USP24: variants seen among roughly 807,000 people sequenced by gnomAD.
USP24 encodes ubiquitin carboxyl-terminal hydrolase 24.
In USP24, 97 loss-of-function variants were observed where a neutral mutation model predicts 361.6. The observed-to-expected ratio is 0.27, with a 90% CI of 0.23 to 0.32. USP24 has a LOEUF of 0.32. Ranked by LOEUF, USP24 falls within the 10% of genes least tolerant of loss-of-function variation. The probability of loss-of-function intolerance (pLI) is 1.00; values close to 1 mark genes in which losing one functional copy is unlikely to be tolerated. For missense variants in USP24, 2,353 were observed against 3,165.6 expected (o/e 0.74, Z 6.16); for synonymous variants, 1,098 against 1,124.6 (o/e 0.98, Z 0.47).
At position 55,138,677 on chromosome 1, in the gene USP24, G is replaced by A; in HGVS notation, c.2859C>T (p.Ala953=). ...GGGTTAAAAGATGTCCATGAAATGA[G>A]GCACCATGAGGTAGAATAGTTCGTG... is the stretch of plus-strand genomic sequence containing the variant. The part of the protein sequence containing the change: ...SVPRTILPHG[A]SFHGHLLTLN... The change falls in exon 26 of 68, where the codon GCC becomes GCT. Residue 953 remains alanine, a synonymous_variant. Coordinates refer to ENST00000294383, the MANE Select transcript of USP24 (RefSeq NM_015306.3). 6.2e-7 allele frequency: 1 copy of A among 1,613,008 alleles called. No homozygotes were observed. Among genetic ancestry groups the A allele is most frequent in the South Asian group, 1.1e-5 (1 of 90,944 alleles).
chr1:55,115,107 G>A (rs191074739), intron 38 of USP24, among the ~76,000 whole-genome samples: 1 of 152,156 alleles, frequency 6.6e-6, no homozygotes, highest in Non-Finnish European at 1.5e-5. Flanking sequence ...CTCAAAAGAA[G>A]ACATTTATGT....
At chr1:55,125,784 G>C (rs1438049686) in intron 32 of USP24, 26 bp from the exon 33 acceptor site, 1 of 1,521,884 alleles carries the variant, frequency 6.6e-7, no homozygotes, top group East Asian at 2.4e-5. Flanking sequence ...AAAAAGGCAG[G>C]ATATTAAAGA....
intron 31 of USP24, 40 bp from the exon 32 acceptor site, chr1:55,129,614 T>C (rs1646534207): frequency 3.3e-6 from 5 of 1,535,174 alleles, no homozygotes; most frequent in Non-Finnish European, 4.5e-6. Context: ...CCACACATTT[T>C]CAGCAGAAAT....
intron 37 of USP24, 114 bp from the exon 38 acceptor site, chr1:55,120,870 A>G: frequency 7.7e-7 from 1 of 1,297,112 alleles, no homozygotes. Flanking sequence ...TTATTGAAGG[A>G]TACTAGAAAG....
chr1:55,127,859 T>G (rs1232110487), intron 32 of USP24, among the ~76,000 whole-genome samples: 1 of 152,132 alleles, frequency 6.6e-6, no homozygotes, highest in East Asian at 1.9e-4. Context: ...CACCCCTTTT[T>G]TCTTACTCAT....
At chr1:55,190,475 C>T (rs1644257425) in intron 1 of USP24, among the ~76,000 whole-genome samples, 1 of 152,166 alleles carries the variant, frequency 6.6e-6, no homozygotes, top group Non-Finnish European at 1.5e-5. Context: ...CAAGAGAACA[C>T]ATACAAAGCA....
intron 45 of USP24, among the ~76,000 whole-genome samples, chr1:55,099,209 G>A (rs1645569088): frequency 6.6e-6 from 1 of 152,178 alleles, no homozygotes; most frequent in Non-Finnish European, 1.5e-5. Flanking sequence ...TTATTACTAT[G>A]TAGTAGAGAT....
intron 16 of USP24, among the ~76,000 whole-genome samples, chr1:55,149,761 T>C (rs543526740): frequency 2.0e-5 from 3 of 152,342 alleles, no homozygotes; most frequent in East Asian, 3.9e-4. Context: ...CAAAAGGTAT[T>C]TGTTCTTCTA....
chr1:55,186,080 CCCAGGA>C (rs1220980220), intron 1 of USP24, among the ~76,000 whole-genome samples: 1 of 152,142 alleles, frequency 6.6e-6, no homozygotes, highest in African/African-American at 2.4e-5. Context: ...CAAAGGAAAG[CCCAGGA>C]CCAGATGGCA....
At chr1:55,141,799 A>G (rs1183566478) in intron 23 of USP24, 68 bp from the exon 24 acceptor site, 14 of 1,439,696 alleles carry the variant, frequency 9.7e-6, no homozygotes, top group Admixed American at 2.0e-5. Context: ...CATTCTGGAC[A>G]GGATAATTTG....
intron 9 of USP24, 78 bp downstream of exon 9, chr1:55,159,533 G>A (rs1411761495): frequency 8.1e-7 from 1 of 1,238,806 alleles, no homozygotes; most frequent in African/African-American, 1.5e-5. Context: ...AGCATGGTGT[G>A]TGAACCCTGC....
rs1476186740 is a variant in USP24 at position 55,125,396 on chromosome 1, T to C, written c.3884A>G (p.Tyr1295Cys). 6.2e-7 allele frequency: 1 copy of C among 1,613,988 alleles called. No homozygotes were observed. Among genetic ancestry groups the C allele is most frequent in the East Asian group, 2.2e-5 (1 of 44,872 alleles). ...SLCGTPEKSS[Y>C]RQLSVSDRSS... The stretch of plus-strand genomic sequence containing the variant: ...CCTATCAGACACGGACAACTGTCGG[T>C]AGGATGACTTTTCTGGGGTACCACA... Residue 1295 changes from tyrosine to cysteine, a missense_variant, in exon 34 of 68, where the codon TAC becomes TGC. By Grantham distance (194) the Tyr-to-Cys change is radical. This residue lies in a region of USP24 where 949 missense variants were observed against 1,280.5 expected (regional missense o/e 0.74). Transcript: ENST00000294383.
chr1:55,141,601 C>T lies in USP24; in HGVS notation c.2750+15G>A. On this transcript the variant is annotated intron_variant, in intron 24 of 67. Transcript: ENST00000294383. ...ACATATGTGTGTTGTGTATTTTTCACTTCTGATCACTTACCTATAAGGAGA... is the reference window on the plus strand; with the variant it reads ...ACATATGTGTGTTGTGTATTTTTCATTTCTGATCACTTACCTATAAGGAGA... 1 of 1,598,976 alleles carries T rather than the reference C, an allele frequency of 6.3e-7. No homozygotes were observed. Among genetic ancestry groups the T allele is most frequent in the Non-Finnish European group, 8.5e-7 (1 of 1,170,522 alleles).
At chr1:55,117,813 A>G (rs1209521186) in intron 38 of USP24, among the ~76,000 whole-genome samples, 1 of 151,856 alleles carries the variant, frequency 6.6e-6, no homozygotes, top group African/African-American at 2.4e-5. Context: ...TGCAGCATAC[A>G]GAATCAACAC....
In USP24 at chr1:55,146,953, C is replaced by G. The variant is rs1647044805; in HGVS notation, c.2226G>C (p.Gln742His). ...KEIWECLVTGQDVCELDREMC... is the reference protein window; with the variant it reads ...KEIWECLVTGHDVCELDREMC... The stretch of plus-strand genomic sequence containing the variant: ...CCTCTCTATCTAATTCACAAACATC[C>G]TGGCCAGTTACAAGACACTCCCAGA... The change falls in exon 19 of 68, where the codon CAG becomes CAC. Residue 742 changes from glutamine (Q) to histidine (H), a missense_variant. Transcript: ENST00000294383. 1 of 1,612,160 alleles carries G rather than the reference C, an allele frequency of 6.2e-7. No homozygotes were observed.
At chr1:55,140,946 C>T (rs757004429) in intron 24 of USP24, among the ~76,000 whole-genome samples, 1 of 152,164 alleles carries the variant, frequency 6.6e-6, no homozygotes, top group Non-Finnish European at 1.5e-5. Flanking sequence ...CTACAGCAGA[C>T]ACTAAACTCA....
chr1:55,097,526 GA>G (rs1645524096), intron 48 of USP24, 71 bp downstream of exon 48: 3 of 1,504,492 alleles, frequency 2.0e-6, no homozygotes, highest in African/African-American at 2.8e-5. Flanking sequence ...TATGAAAATT[GA>G]AAAAGGAAAA....
rs1013254065 is a variant in USP24 at position 55,067,674 on chromosome 1, G to A, written c.*1371C>T. ...CCTCTGTGACTTGGCAAATCTGACA[G>A]TGAAAACCTGGCACTTCCTAAGGCT... On this transcript the variant is annotated 3_prime_UTR_variant, in exon 68 of 68. Coordinates refer to ENST00000294383, the MANE Select transcript of USP24 (RefSeq NM_015306.3). 1 of 152,248 alleles carries A rather than the reference G, an allele frequency of 6.6e-6. No individual in the cohort carries two copies. The highest frequency in any genetic ancestry group is 2.4e-5 in the African/African-American group (1 of 41,468). 9.4% of individuals were successfully genotyped at this position (152,248 alleles called of 1,614,324 possible).
At chr1:55,073,733 C>T (rs1644966018) in intron 64 of USP24, 95 bp downstream of exon 64, 1 of 1,185,064 alleles carries the variant, frequency 8.4e-7, no homozygotes, top group African/African-American at 1.5e-5. Context: ...GTCAGATTCT[C>T]CAGGTATCAA....
Sources: allele counts gnomAD v4.1 joint callset (sites outside exome capture counted in the v4.1 genomes callset), GRCh38; gene constraint gnomAD v4.1.1; regional missense constraint gnomAD v4.1.1; transcripts MANE v1.5; gene names NCBI Gene and HGNC (gene_info 2026-07-23, HGNC 2026-07-21).